TGM3: variants seen among roughly 807,000 people sequenced by gnomAD.
The protein encoded by TGM3 is protein-glutamine gamma-glutamyltransferase E.
In TGM3, 52 loss-of-function variants were observed where a neutral mutation model predicts 73.8. The observed-to-expected ratio is 0.70, with a 90% CI of 0.56 to 0.89. The LOEUF is 0.89. Among genes scored for constraint, TGM3 ranks in the 40% least tolerant of loss-of-function variants. TGM3 has a pLI of 0.00. For missense variants in TGM3, 928 were observed against 909.9 expected (o/e 1.02, Z -0.26); for synonymous variants, 372 against 354.9 (o/e 1.05, Z -0.54).
In TGM3 at chr20:2,312,988, A is replaced by T; in HGVS notation, c.631A>T (p.Asn211Tyr). 3.1e-6 allele frequency: 5 copies of T among 1,614,194 alleles called. No individual in the cohort carries two copies. The highest frequency in any genetic ancestry group is 4.2e-6 in the Non-Finnish European group (5 of 1,180,030). ...RDAATDVASR[N>Y]DPKYVGRVLS... ...CGCTGCTACTGATGTGGCCAGCAGA[A>T]ATGACCCCAAATACGTTGGCCGGGT... Residue 211 changes from asparagine (N) to tyrosine (Y), a missense_variant, in exon 5 of 13, where the codon AAT becomes TAT. Transcript: ENST00000381458.
At chr20:2,313,295 C>T (rs1307078055) in intron 5 of TGM3, among the ~76,000 whole-genome samples, 2 of 152,206 alleles carry the variant, frequency 1.3e-5, no homozygotes, top group African/African-American at 2.4e-5. Context: ...CATCATGAAG[C>T]CTTTCTCAGA....
At chr20:2,312,612 T>C (rs2084211992) in intron 4 of TGM3, among the ~76,000 whole-genome samples, 4 of 152,112 alleles carry the variant, frequency 2.6e-5, no homozygotes, top group Admixed American at 2.6e-4. Context: ...CTTTTTTATT[T>C]TTAATAATTT....
chr20:2,309,355 C>T (rs920575725), intron 1 of TGM3, among the ~76,000 whole-genome samples: 1 of 152,218 alleles, frequency 6.6e-6, no homozygotes, highest in South Asian at 2.1e-4. Context: ...GGGGGAAAGA[C>T]ACTCTCAGCT....
chr20:2,321,220 A>G (rs1260177153), intron 7 of TGM3, among the ~76,000 whole-genome samples: 1 of 152,228 alleles, frequency 6.6e-6, no homozygotes, highest in Admixed American at 6.5e-5. Flanking sequence ...AAGATGCAGG[A>G]ACTGTGCTGG....
chr20:2,301,698 CTTTTTAGCATT>C (rs967029739), intron 1 of TGM3, among the ~76,000 whole-genome samples: 3 of 151,722 alleles, frequency 2.0e-5, no homozygotes, highest in African/African-American at 7.3e-5. Flanking sequence ...CAGCTAGATA[CTTTTTAGCATT>C]TTTTTTTTTG....
chr20:2,303,296 A>G (rs2084160696), intron 1 of TGM3, among the ~76,000 whole-genome samples: 1 of 151,930 alleles, frequency 6.6e-6, no homozygotes. Context: ...GGGAGACTCC[A>G]TCTCAAAAAA....
intron 1 of TGM3, among the ~76,000 whole-genome samples, chr20:2,298,442 C>T (rs1473492359): frequency 1.3e-5 from 2 of 152,196 alleles, no homozygotes; most frequent in Non-Finnish European, 1.5e-5. Flanking sequence ...AGGGTACACA[C>T]CTGAACCACA....
At chr20:2,327,402 G>A (rs372885574) in intron 8 of TGM3, among the ~76,000 whole-genome samples, 215 of 152,246 alleles carry the variant, frequency 1.4e-3, no homozygotes, top group Middle Eastern at 6.8e-3. Flanking sequence ...GCGTGAACCC[G>A]GGAGGCGGAG....
chr20:2,301,346 G>T (rs750941025), intron 1 of TGM3, among the ~76,000 whole-genome samples: 7 of 150,028 alleles, frequency 4.7e-5, no homozygotes, highest in Middle Eastern at 3.4e-3. Context: ...CGGCTTCTGG[G>T]CTAAGATCTG....
Position 2,335,397 on chromosome 20 carries a change from G to C in TGM3, c.1800+124G>C, listed in dbSNP as rs920225924. The C allele has an allele frequency of 3.2e-6, 4 of 1,233,846 alleles. No individual in the cohort carries two copies. The African/African-American group carries it at 6.1e-5, about 19-fold the overall frequency. The allele number at this position is 1,233,846 out of a possible 1,614,324, so 76.4% of individuals were successfully genotyped here. A position where few individuals can be genotyped will look rare whatever the true frequency, so the allele number is the denominator to read the frequency against. On this transcript the variant is annotated intron_variant, in intron 11 of 12. Transcript: ENST00000381458. Reference sequence around the variant, plus strand: ...GCAAAGGAGAGTTTTTTCTTGCTGGGAGGGGCAGAGAACTGGGCCCAGCTT... The same window carrying C: ...GCAAAGGAGAGTTTTTTCTTGCTGGCAGGGGCAGAGAACTGGGCCCAGCTT...
intron 1 of TGM3, among the ~76,000 whole-genome samples, chr20:2,307,337 G>A (rs373242222): frequency 2.4e-4 from 36 of 151,884 alleles, no homozygotes; most frequent in East Asian, 1.9e-4. Flanking sequence ...AAGCCCCTCC[G>A]CAGTCCTGCC....
chr20:2,311,273 G>A (rs981756645), intron 4 of TGM3, 144 bp downstream of exon 4: 1 of 682,418 alleles, frequency 1.5e-6, no homozygotes, highest in Non-Finnish European at 2.6e-6. Flanking sequence ...ACTTTCATTG[G>A]CCACCTATTA....
chr20:2,319,449 A>G (rs996698600), intron 7 of TGM3, among the ~76,000 whole-genome samples: 2 of 152,168 alleles, frequency 1.3e-5, no homozygotes, highest in African/African-American at 4.8e-5. Flanking sequence ...GATACCAGGA[A>G]CTCGGAGGAA....
intron 1 of TGM3, among the ~76,000 whole-genome samples, chr20:2,304,713 A>G (rs1285606572): frequency 1.3e-5 from 2 of 151,986 alleles, no homozygotes; most frequent in African/African-American, 4.8e-5. Flanking sequence ...ATACCAAGCG[A>G]TTTGCAGTGG....
At chr20:2,340,033 C>CGGGAGGGGGTGG in intron 12 of TGM3, 46 bp downstream of exon 12, 3 of 196,588 alleles carry the variant, frequency 1.5e-5, no homozygotes, top group Non-Finnish European at 9.7e-6. Flanking sequence ...CGGGAGGGGG[C>CGGGAGGGGGTGG]GGGGGGGCCC....
chr20:2,319,361 G>A (rs1006806266), intron 7 of TGM3, among the ~76,000 whole-genome samples: 1 of 152,170 alleles, frequency 6.6e-6, no homozygotes, highest in African/African-American at 2.4e-5. Flanking sequence ...TAGGAGGCAC[G>A]GGGTGGGGAG....
In TGM3 at chr20:2,312,983, G is replaced by A. The variant is rs750966165; in HGVS notation, c.626G>A (p.Ser209Asn). 1 of 1,614,224 alleles carries A rather than the reference G, an allele frequency of 6.2e-7. No homozygotes were observed. Among genetic ancestry groups the A allele is most frequent in the Non-Finnish European group, 8.5e-7 (1 of 1,180,036 alleles). Reference sequence around the variant, plus strand: ...CGTGACGCTGCTACTGATGTGGCCAGCAGAAATGACCCCAAATACGTTGGC... The same window carrying A: ...CGTGACGCTGCTACTGATGTGGCCAACAGAAATGACCCCAAATACGTTGGC... ...FRRDAATDVA[S>N]RNDPKYVGRV... The change falls in exon 5 of 13, where the codon AGC becomes AAC. Residue 209 changes from serine (S) to asparagine (N), a missense_variant. Coordinates refer to ENST00000381458, the MANE Select transcript of TGM3 (RefSeq NM_003245.4).
Position 2,332,103 on chromosome 20 carries a change from C to T in TGM3, c.1435C>T (p.Gln479Ter). The change falls in exon 10 of 13, where the codon CAG (glutamine) becomes TAG (stop). Residue 479 changes from glutamine (Q) to a stop codon, truncating the protein, a stop_gained. Transcript: ENST00000381458. LOFTEE classifies it high-confidence loss of function. The surrounding 1 kb of genome is among the most constrained non-coding windows in gnomAD (Gnocchi z 4.4). ...TTCAATGGGTTTGGAAACAGAGGAA[C>T]AGGAGCCCAGCATCATCGGGAAGCT... ...TSSMGLETEE[Q>*]EPSIIGKLKV... The T allele has an allele frequency of 6.2e-7, 1 of 1,614,218 alleles. No individual in the cohort carries two copies. The highest frequency in any genetic ancestry group is 8.5e-7 in the Non-Finnish European group (1 of 1,180,038).
chr20:2,325,926 A>G lies in TGM3; in HGVS notation c.1061A>G (p.Asp354Gly). The change falls in exon 8 of 13, where the codon GAT becomes GGT. Residue 354 changes from aspartate to glycine, a missense_variant. Transcript: ENST00000381458. The part of the protein sequence containing the change: ...GPSYGGWQVL[D>G]ATPQERSQGV... ...TCGTACGGTGGATGGCAGGTGTTGGATGCTACCCCGCAGGAAAGAAGCCAA... is the reference window on the plus strand; with the variant it reads ...TCGTACGGTGGATGGCAGGTGTTGGGTGCTACCCCGCAGGAAAGAAGCCAA... The G allele has an allele frequency of 6.3e-7, 1 of 1,595,414 alleles. No individual in the cohort carries two copies. Among genetic ancestry groups the G allele is most frequent in the Non-Finnish European group, 8.5e-7 (1 of 1,169,944 alleles).
Sources: allele counts gnomAD v4.1 joint callset (sites outside exome capture counted in the v4.1 genomes callset), GRCh38; gene constraint gnomAD v4.1.1; non-coding constraint Gnocchi (gnomAD v3.1); transcripts MANE v1.5; gene names NCBI Gene and HGNC (gene_info 2026-07-23, HGNC 2026-07-21).